The following KCNH7 variants were observed in gnomAD, a reference collection of about 807,000 sequenced individuals.
KCNH7 encodes potassium voltage-gated channel subfamily H member 7, also known as voltage-gated inwardly rectifying potassium channel KCNH7.
In KCNH7, 49 loss-of-function variants were observed where a neutral mutation model predicts 120.8. The ratio of observed to expected loss-of-function variants is 0.41; its 90% CI spans 0.32 to 0.51. KCNH7 has a LOEUF of 0.51. KCNH7 is among the 20% of genes least tolerant of loss of function. KCNH7 has a pLI of 0.38. For synonymous variants in KCNH7, 547 were observed against 516.1 expected (o/e 1.06, Z -0.81); for missense variants, 1,097 against 1,446.6 (o/e 0.76, Z 3.92).
chr2:162,652,395 A>T (rs750990279), intron 2 of KCNH7, among the ~76,000 whole-genome samples: 2 of 152,038 alleles, frequency 1.3e-5, no homozygotes, highest in Non-Finnish European at 2.9e-5. Flanking sequence ...ACCAGGGACC[A>T]GTGTTAGAAA....
chr2:162,551,368 A>G lies in KCNH7; in HGVS notation c.308-14288T>C, dbSNP rs1451566441. On this transcript the variant is annotated intron_variant, in intron 2 of 15. Coordinates refer to ENST00000332142, the MANE Select transcript of KCNH7 (RefSeq NM_033272.4). The stretch of plus-strand genomic sequence containing the variant: ...AACTATATTCATGAATGAAAAAACA[A>G]GCAGTAATTTAGGGTTTTTTCTTTT... Among the ~76,000 whole-genome samples, 5 of 152,228 alleles carry G rather than the reference A, an allele frequency of 3.3e-5. No homozygotes were observed. The East Asian group carries it at 5.8e-4, about 18-fold the overall frequency.
chr2:162,388,223 G>A (rs1686635004), intron 12 of KCNH7, among the ~76,000 whole-genome samples: 1 of 151,738 alleles, frequency 6.6e-6, no homozygotes, highest in Non-Finnish European at 1.5e-5. Context: ...ATGGATATTG[G>A]TTTAAAGGTA....
At chr2:162,524,698 C>T (rs145879238) in intron 3 of KCNH7, among the ~76,000 whole-genome samples, 11 of 151,968 alleles carry the variant, frequency 7.2e-5, no homozygotes, top group African/African-American at 1.2e-4. Flanking sequence ...CAGAGAAACA[C>T]GACTTTTACT....
At chr2:162,685,800 C>T (rs1685870241) in intron 2 of KCNH7, among the ~76,000 whole-genome samples, 1 of 151,098 alleles carries the variant, frequency 6.6e-6, no homozygotes, top group Non-Finnish European at 1.5e-5. Context: ...CAGGTCCTGG[C>T]CTACAGAACA....
chr2:162,613,287 AT>A (rs1396807234), intron 2 of KCNH7, among the ~76,000 whole-genome samples: 2 of 152,056 alleles, frequency 1.3e-5, no homozygotes, highest in Admixed American at 1.3e-4. Flanking sequence ...CAACATATTG[AT>A]AGCATCAATA....
At position 162,722,116 on chromosome 2, in the gene KCNH7, G is replaced by A. The variant is rs970343638; in HGVS notation, c.307+114421C>T. Among the ~76,000 whole-genome samples the A allele has an allele frequency of 6.6e-5, 10 of 151,962 alleles. No individual in the cohort carries two copies. The Middle Eastern group carries it at 0.01, about 155-fold the overall frequency. On this transcript the variant is annotated intron_variant, in intron 2 of 15. Coordinates refer to ENST00000332142, the MANE Select transcript of KCNH7 (RefSeq NM_033272.4). ...TACCACTAAGGGAACATAAGCACAC[G>A]GGATGAAAGAAACATATAGACACTT...
chr2:162,505,829 G>A (rs539993963), intron 5 of KCNH7, among the ~76,000 whole-genome samples: 8 of 151,538 alleles, frequency 5.3e-5, no homozygotes, highest in Non-Finnish European at 8.8e-5. Flanking sequence ...ACCCATTTTC[G>A]GGATCAAAAT....
intron 2 of KCNH7, among the ~76,000 whole-genome samples, chr2:162,710,542 A>G (rs982794107): frequency 2.0e-5 from 3 of 152,164 alleles, no homozygotes; most frequent in African/African-American, 7.2e-5. Flanking sequence ...ACTATTGTCT[A>G]TTAATATTTA....
chr2:162,529,928 A>C (rs1230263365), intron 3 of KCNH7, among the ~76,000 whole-genome samples: 1 of 151,934 alleles, frequency 6.6e-6, no homozygotes, highest in Non-Finnish European at 1.5e-5. Flanking sequence ...TTTATTCAGT[A>C]CTTATCAAAA....
At chr2:162,377,804 C>T (rs896966244) in intron 14 of KCNH7, among the ~76,000 whole-genome samples, 5 of 152,018 alleles carry the variant, frequency 3.3e-5, no homozygotes, top group African/African-American at 9.7e-5. Context: ...AAACACATAC[C>T]GATATTGGGA....
At chr2:162,673,055 A>G (rs1017192780) in intron 2 of KCNH7, among the ~76,000 whole-genome samples, 10 of 152,076 alleles carry the variant, frequency 6.6e-5, no homozygotes, top group Non-Finnish European at 1.3e-4. Context: ...TCAATACTTT[A>G]TAATAGTTCC....
chr2:162,753,724 G>C (rs907504709), intron 2 of KCNH7, among the ~76,000 whole-genome samples: 2 of 152,062 alleles, frequency 1.3e-5, no homozygotes, highest in African/African-American at 4.8e-5. Context: ...TTTTAGATTA[G>C]GTTGGAACAA....
At chr2:162,505,281 C>G (rs1290019193) in intron 5 of KCNH7, among the ~76,000 whole-genome samples, 3 of 151,894 alleles carry the variant, frequency 2.0e-5, no homozygotes, top group African/African-American at 7.2e-5. Context: ...CTATTGAAAA[C>G]TCTTGGATCA....
rs761429412 is a variant in KCNH7, at chr2:162,746,187, T to C, written c.307+90350A>G. On this transcript the variant is annotated intron_variant, in intron 2 of 15. Coordinates refer to ENST00000332142, the MANE Select transcript of KCNH7 (RefSeq NM_033272.4). The stretch of plus-strand genomic sequence containing the variant: ...AGATTTTCAAGCTGGAACTTTGATA[T>C]AAATATGGAAATGGATATTGTGGAA... Among the ~76,000 whole-genome samples the C allele has an allele frequency of 5.1e-4, 77 of 152,120 alleles. 1 individual carries two copies. Among genetic ancestry groups the C allele is most frequent in the Non-Finnish European group, 2.1e-4 (14 of 67,966 alleles).
Position 162,741,257 on chromosome 2 carries a change from T to C in KCNH7, c.307+95280A>G, listed in dbSNP as rs554380327. ...TATTAATAACATATGTTATTAGTTA[T>C]ACATATTAATAACATATGTTATTAG... On this transcript the variant is annotated intron_variant, in intron 2 of 15. Coordinates refer to ENST00000332142, the MANE Select transcript of KCNH7 (RefSeq NM_033272.4). 4.2e-4 allele frequency among the ~76,000 whole-genome samples: 62 copies of C among 149,000 alleles called. No individual in the cohort carries two copies. The East Asian group carries it at 6.1e-3, about 15-fold the overall frequency.
At chr2:162,752,257 T>A (rs777633866) in intron 2 of KCNH7, among the ~76,000 whole-genome samples, 32 of 152,076 alleles carry the variant, frequency 2.1e-4, no homozygotes, top group African/African-American at 4.8e-4. Context: ...AAGGAAAAAA[T>A]TTTTAGCTCA....
At chr2:162,671,621 A>G (rs1047894293) in intron 2 of KCNH7, among the ~76,000 whole-genome samples, 1 of 152,096 alleles carries the variant, frequency 6.6e-6, no homozygotes, top group African/African-American at 2.4e-5. Context: ...AGTGTTCTCT[A>G]TTTGGGTTGT....
At chr2:162,509,018 G>A (rs1207583905) in intron 5 of KCNH7, among the ~76,000 whole-genome samples, 2 of 151,308 alleles carry the variant, frequency 1.3e-5, no homozygotes, top group Non-Finnish European at 3.0e-5. Flanking sequence ...AATATATTAG[G>A]AGAAGGTGGA....
At chr2:162,574,059 T>C (rs1428819123) in intron 2 of KCNH7, among the ~76,000 whole-genome samples, 1 of 152,060 alleles carries the variant, frequency 6.6e-6, no homozygotes, top group African/African-American at 2.4e-5. Flanking sequence ...TTGAAATTTG[T>C]GTTAAATATT....
Sources: allele counts gnomAD v4.1 joint callset (sites outside exome capture counted in the v4.1 genomes callset), GRCh38; gene constraint gnomAD v4.1.1; transcripts MANE v1.5; gene names NCBI Gene and HGNC (gene_info 2026-07-23, HGNC 2026-07-21).